DMD: variants seen among roughly 807,000 people sequenced by gnomAD.
The protein encoded by DMD is mutant dystrophin.
In DMD, 63 loss-of-function variants were observed where a neutral mutation model predicts 330.1. That is an observed-to-expected ratio of 0.19 (90% CI 0.16 to 0.24). DMD has a LOEUF of 0.24. Ranked by LOEUF, DMD falls within the 10% of genes least tolerant of loss-of-function variation. The pLI is 1.00. For synonymous variants in DMD, 1,223 were observed against 959.8 expected, an observed-to-expected ratio of 1.27 and a Z score of -5.07; for missense variants, 3,344 against 2,684.1, an observed-to-expected ratio of 1.25 and a Z score of -5.43.
At chrX:32,075,353 A>G (rs1358286722) in intron 44 of DMD, among the ~76,000 whole-genome samples, 2 of 112,197 alleles carry the variant, frequency 1.8e-5, no homozygotes, top group African/African-American at 3.2e-5. Flanking sequence ...TGCAATAACA[A>G]TGCAATAGAA....
Position 32,252,795 on chromosome X carries a change from T to TATATATAA in DMD, c.6290+34733_6290+34734insTTATATAT, listed in dbSNP as rs2097276789. On this transcript the variant is annotated intron_variant, in intron 43 of 78. Transcript: ENST00000357033. ...ATAAATATATATAAATATATATAAA[T>TATATATAA]ATATATATAAATATATATAAGTATA... Among the ~76,000 whole-genome samples the TATATATAA allele has an allele frequency of 8.1e-4, 38 of 46,927 alleles. 2 individuals carry two copies. The highest frequency in any genetic ancestry group is 6.7e-3 in the East Asian group (9 of 1,342). 40.8% of individuals were successfully genotyped at this position (46,927 alleles called of 115,157 possible). A position where few individuals can be genotyped will look rare whatever the true frequency, so the allele number is the denominator to read the frequency against.
intron 60 of DMD, among the ~76,000 whole-genome samples, chrX:31,386,099 C>T (rs1420718385): frequency 8.9e-6 from 1 of 111,841 alleles, no homozygotes; most frequent in Non-Finnish European, 1.9e-5. Context: ...AGCTGGAAAC[C>T]ATCATTCTCA....
At chrX:31,944,814 A>AT (rs1171126471) in intron 45 of DMD, among the ~76,000 whole-genome samples, 45 of 110,422 alleles carry the variant, frequency 4.1e-4, no homozygotes, top group Non-Finnish European at 7.4e-4. Flanking sequence ...GGCCAAGATA[A>AT]TTTTTTTTGT....
intron 47 of DMD, among the ~76,000 whole-genome samples, chrX:31,924,913 C>T (rs1030257462): frequency 2.7e-5 from 3 of 111,008 alleles, no homozygotes; most frequent in African/African-American, 6.5e-5. Context: ...ATGTAAAATG[C>T]GATGAAAAAT....
At chrX:32,162,828 C>T (rs2096855089) in intron 44 of DMD, among the ~76,000 whole-genome samples, 1 of 108,617 alleles carries the variant, frequency 9.2e-6, no homozygotes. Flanking sequence ...GTTCCACCCA[C>T]CTCAGACTCC....
At chrX:32,687,475 T>A (rs1188899544) in intron 9 of DMD, among the ~76,000 whole-genome samples, 1 of 111,652 alleles carries the variant, frequency 9.0e-6, no homozygotes, top group Non-Finnish European at 1.9e-5. Context: ...CTATGTGACT[T>A]CCAAGACTAA....
intron 6 of DMD, among the ~76,000 whole-genome samples, chrX:32,815,813 C>G (rs1283537893): frequency 1.8e-5 from 2 of 110,641 alleles, no homozygotes; most frequent in African/African-American, 6.6e-5. Context: ...AGATCTCTCT[C>G]TTGCTTTATA....
intron 13 of DMD, among the ~76,000 whole-genome samples, chrX:32,574,638 A>T (rs1220162241): frequency 8.9e-6 from 1 of 111,879 alleles, no homozygotes; most frequent in Non-Finnish European, 1.9e-5. Context: ...ACTTTTTCAT[A>T]TAAATAAGAA....
chrX:32,100,735 G>C (rs17309101), intron 44 of DMD, among the ~76,000 whole-genome samples: 16,154 of 110,666 alleles, frequency 0.15, 1,054 homozygotes, highest in East Asian at 0.24. Context: ...TGTTTTGTTT[G>C]TTCAAAGCCC....
intron 44 of DMD, among the ~76,000 whole-genome samples, chrX:32,083,099 C>T (rs1404742261): frequency 1.8e-5 from 2 of 111,603 alleles, no homozygotes; most frequent in Non-Finnish European, 3.8e-5. Flanking sequence ...TATTTGACCT[C>T]AGACAAGTAA....
chrX:32,562,273 T>C, intron 16 of DMD, among the ~76,000 whole-genome samples: 2 of 112,564 alleles, frequency 1.8e-5, no homozygotes, highest in South Asian at 7.3e-4. Flanking sequence ...TTAAATACCC[T>C]CAGCTTGTGT....
At chrX:32,484,426 T>C (rs935778491) in intron 21 of DMD, among the ~76,000 whole-genome samples, 7 of 112,426 alleles carry the variant, frequency 6.2e-5, no homozygotes, top group African/African-American at 1.9e-4. Flanking sequence ...AGGATTTATG[T>C]AATTATAGTG....
chrX:32,346,651 C>T (rs6527185), intron 38 of DMD, among the ~76,000 whole-genome samples: 23,762 of 110,464 alleles, frequency 0.22, 2,635 homozygotes, highest in African/African-American at 0.43. Context: ...AAATCATGTG[C>T]TAAGTTACCA....
intron 59 of DMD, among the ~76,000 whole-genome samples, chrX:31,445,433 C>A (rs2149079539): frequency 8.9e-6 from 1 of 111,925 alleles, no homozygotes; most frequent in African/African-American, 3.2e-5. Flanking sequence ...TATGCTTCCC[C>A]TAAGAAATTC....
chrX:31,885,057 G>T, intron 47 of DMD, among the ~76,000 whole-genome samples: 1 of 110,968 alleles, frequency 9.0e-6, no homozygotes, highest in East Asian at 2.8e-4. Context: ...TATAACTTAG[G>T]TTTACAACAT....
chrX:31,265,488 G>A (rs1332412973), intron 62 of DMD, among the ~76,000 whole-genome samples: 1 of 111,122 alleles, frequency 9.0e-6, no homozygotes, highest in Non-Finnish European at 1.9e-5. Context: ...TGATTGCCTC[G>A]GTGGCTGTTC....
intron 2 of DMD, among the ~76,000 whole-genome samples, chrX:32,961,154 G>T (rs977008261): frequency 9.0e-6 from 1 of 110,958 alleles, no homozygotes; most frequent in Non-Finnish European, 1.9e-5. Context: ...TTTCGTTTTG[G>T]TATGGCTTGG....
chrX:32,793,722 G>A (rs936321938), intron 7 of DMD, among the ~76,000 whole-genome samples: 1 of 111,641 alleles, frequency 9.0e-6, no homozygotes. Flanking sequence ...TAGAAAATCT[G>A]AACAGATCTA....
At chrX:31,266,042 C>T (rs1437161277) in intron 62 of DMD, among the ~76,000 whole-genome samples, 1 of 106,982 alleles carries the variant, frequency 9.3e-6, no homozygotes, top group Non-Finnish European at 1.9e-5. Flanking sequence ...AGTGTTCTGC[C>T]CTTTTTATTG....
Sources: gnomAD v4.1 joint callset for allele counts (sites outside exome capture counted in the v4.1 genomes callset) on GRCh38, gnomAD v4.1.1 for gene constraint, MANE v1.5 for transcripts, NCBI Gene and HGNC (gene_info 2026-07-23, HGNC 2026-07-21) for gene names.